Variants in DNAJC27 observed in about 807,000 individuals in gnomAD.
The protein encoded by DNAJC27 is dnaJ homolog subfamily C member 27.
A neutral mutation model predicts 31.4 loss-of-function variants in DNAJC27; 25 were observed. That is an observed-to-expected ratio of 0.80 (90% CI 0.58 to 1.11). The LOEUF (loss-of-function observed/expected upper bound fraction) is 1.11. Among genes scored for constraint, DNAJC27 ranks in the 50% most tolerant of loss-of-function variants. DNAJC27 has a pLI of 0.00. For missense variants in DNAJC27, 356 were observed against 347.3 expected (o/e 1.02, Z -0.20); for synonymous variants, 106 against 112.7 (o/e 0.94, Z 0.37).
At chr2:24,952,039 AG>A (rs1665789620) in intron 5 of DNAJC27, among the ~76,000 whole-genome samples, 1 of 152,158 alleles carries the variant, frequency 6.6e-6, no homozygotes, top group Admixed American at 6.5e-5. Flanking sequence ...GCTTGAGCCC[AG>A]GAAGTGAAGG....
chr2:24,947,603 T>C lies in DNAJC27; in HGVS notation c.*13A>G. The C allele has an allele frequency of 6.3e-7, 1 of 1,587,744 alleles. No homozygotes were observed. Among genetic ancestry groups the C allele is most frequent in the Non-Finnish European group, 8.6e-7 (1 of 1,160,556 alleles). On this transcript the variant is annotated 3_prime_UTR_variant, in exon 7 of 7. Coordinates refer to ENST00000264711, the MANE Select transcript of DNAJC27 (RefSeq NM_016544.3). Reference sequence around the variant, plus strand: ...TGCATTTGAGTCCCACATGTGGCTTTTTTCTGTACTTTCTACTTGATGTTT... The same window carrying C: ...TGCATTTGAGTCCCACATGTGGCTTCTTTCTGTACTTTCTACTTGATGTTT...
intron 4 of DNAJC27, 78 bp downstream of exon 4, chr2:24,957,732 C>G: frequency 7.4e-7 from 1 of 1,347,544 alleles, no homozygotes. Context: ...AGGAATTTTT[C>G]TTTTCTTTTT....
In DNAJC27 at chr2:24,967,224, A is replaced by T. The variant is rs1046312541; in HGVS notation, c.157T>A (p.Tyr53Asn). Residue 53 changes from tyrosine to asparagine, a missense_variant, in exon 2 of 7, where the codon TAT (tyrosine) becomes AAT (asparagine). Coordinates refer to ENST00000264711, the MANE Select transcript of DNAJC27 (RefSeq NM_016544.3). ...CAATATACTTACTTTGTGACTCCAT[A>T]GTCAATTCCAATTGTTGCCAGGTAT... ...SKYLATIGID[Y>N]GVTKVHVRDR... The T allele has an allele frequency of 6.2e-7, 1 of 1,613,000 alleles. No individual in the cohort carries two copies. The highest frequency in any genetic ancestry group is 1.3e-5 in the African/African-American group (1 of 74,858).
At chr2:24,970,360 T>C (rs1666296965) in intron 1 of DNAJC27, among the ~76,000 whole-genome samples, 1 of 152,180 alleles carries the variant, frequency 6.6e-6, no homozygotes. Context: ...TCTTGTCTAA[T>C]TGCACTGGCT....
intron 3 of DNAJC27, among the ~76,000 whole-genome samples, chr2:24,961,302 T>A (rs1433284733): frequency 1.3e-5 from 2 of 152,150 alleles, no homozygotes. Flanking sequence ...GAAAAAAGGA[T>A]TCCTTTCAAA....
At chr2:24,954,409 TTA>T (rs991982157) in intron 5 of DNAJC27, among the ~76,000 whole-genome samples, 3 of 152,128 alleles carry the variant, frequency 2.0e-5, no homozygotes, top group Admixed American at 2.0e-4. Flanking sequence ...GCCCTAAAAA[TTA>T]TAGACTCATC....
intron 5 of DNAJC27, among the ~76,000 whole-genome samples, chr2:24,952,197 G>A (rs1303508624): frequency 6.6e-6 from 1 of 152,096 alleles, no homozygotes; most frequent in East Asian, 1.9e-4. Context: ...AGTGTAAAAT[G>A]AAAACTGTGT....
chr2:24,952,700 G>C (rs1296499032), intron 5 of DNAJC27, among the ~76,000 whole-genome samples: 1 of 151,968 alleles, frequency 6.6e-6, no homozygotes, highest in Non-Finnish European at 1.5e-5. Flanking sequence ...AGCTGTACCA[G>C]TTTACATTCC....
intron 2 of DNAJC27, 107 bp downstream of exon 2, chr2:24,967,104 C>G (rs1343362523): frequency 1.3e-6 from 1 of 792,012 alleles, no homozygotes; most frequent in East Asian, 2.6e-5. Context: ...TCTTCAAAGT[C>G]TCCATTTCAA....
intron 1 of DNAJC27, among the ~76,000 whole-genome samples, chr2:24,970,610 G>A (rs1465816482): frequency 6.6e-6 from 1 of 151,754 alleles, no homozygotes; most frequent in Non-Finnish European, 1.5e-5. Context: ...GATTAAAGGC[G>A]TGCACCACCA....
intron 3 of DNAJC27, among the ~76,000 whole-genome samples, chr2:24,961,461 A>T (rs1666038522): frequency 6.6e-6 from 1 of 152,130 alleles, no homozygotes; most frequent in South Asian, 2.1e-4. Flanking sequence ...TTGAAGTCTT[A>T]CTGTTTAAAA....
chr2:24,948,985 A>T (rs954100776), intron 6 of DNAJC27, among the ~76,000 whole-genome samples: 3 of 152,184 alleles, frequency 2.0e-5, no homozygotes, highest in African/African-American at 7.2e-5. Context: ...GCTATGATGG[A>T]AAGTTTTATG....
chr2:24,954,865 G>T (rs1243525284), intron 5 of DNAJC27, among the ~76,000 whole-genome samples: 1 of 152,212 alleles, frequency 6.6e-6, no homozygotes. Context: ...GAACCCAGGA[G>T]GCGGAGCTTG....
intron 2 of DNAJC27, among the ~76,000 whole-genome samples, chr2:24,964,196 G>A (rs912231923): frequency 2.0e-5 from 3 of 151,888 alleles, no homozygotes; most frequent in Admixed American, 6.6e-5. Context: ...CGAGATGGGC[G>A]GATCATGAGG....
At chr2:24,959,212 C>G (rs1665982649) in intron 3 of DNAJC27, among the ~76,000 whole-genome samples, 1 of 152,198 alleles carries the variant, frequency 6.6e-6, no homozygotes, top group Non-Finnish European at 1.5e-5. Flanking sequence ...TCCCATACAT[C>G]ACATTCCCTA....
In DNAJC27 at chr2:24,947,732, C is replaced by T; in HGVS notation, c.706G>A (p.Ala236Thr). The T allele has an allele frequency of 6.2e-7, 1 of 1,612,872 alleles. No individual in the cohort carries two copies. The highest frequency in any genetic ancestry group is 2.2e-5 in the East Asian group (1 of 44,858). The stretch of plus-strand genomic sequence containing the variant: ...AGAAGCACAGCAAGTTTCCGATACG[C>T]TTTATTGACTTCATCCCTGGGAAAA... ...PGASRDEVNK[A>T]YRKLAVLLHP... Residue 236 changes from alanine (A) to threonine (T), a missense_variant, in exon 7 of 7, where the codon GCG becomes ACG. By Grantham distance (58) the Ala-to-Thr change is moderately conservative. Coordinates refer to ENST00000264711, the MANE Select transcript of DNAJC27 (RefSeq NM_016544.3).
In DNAJC27 at chr2:24,971,936, G is replaced by A. The variant is rs1161046502; in HGVS notation, c.-32C>T. On this transcript the variant is annotated 5_prime_UTR_variant, in exon 1 of 7. Coordinates refer to ENST00000264711, the MANE Select transcript of DNAJC27 (RefSeq NM_016544.3). The stretch of plus-strand genomic sequence containing the variant: ...GGCTCTCTCGGGGCCACCCGCCTCG[G>A]TCTCTTCTTGTGCACCGCTGGCCCG... The A allele has an allele frequency of 2.0e-6, 3 of 1,529,384 alleles. No individual in the cohort carries two copies. The allele number at this position is 1,529,384 out of a possible 1,614,324, so 94.7% of individuals were successfully genotyped here.
At position 24,957,074 on chromosome 2, in the gene DNAJC27, T is replaced by C. The variant is rs1665921626; in HGVS notation, c.497A>G (p.Gln166Arg). Reference protein sequence around the residue: ...KGFLYFETSAQTGEGINEMFQ... With the variant: ...KGFLYFETSARTGEGINEMFQ... ...CATCTCATTAATGCCTTCTCCAGTTTGTGCTGAAGTTTCAAAGTACAGGAA... is the reference window on the plus strand; with the variant it reads ...CATCTCATTAATGCCTTCTCCAGTTCGTGCTGAAGTTTCAAAGTACAGGAA... Residue 166 changes from glutamine (Q) to arginine (R), a missense_variant, in exon 5 of 7, where the codon CAA (glutamine) becomes CGA (arginine). Coordinates refer to ENST00000264711, the MANE Select transcript of DNAJC27 (RefSeq NM_016544.3). 6.2e-7 allele frequency: 1 copy of C among 1,609,892 alleles called. No individual in the cohort carries two copies. The highest frequency in any genetic ancestry group is 1.3e-5 in the African/African-American group (1 of 74,782).
chr2:24,954,893 G>A lies in DNAJC27; in HGVS notation c.528+2150C>T, dbSNP rs577267627. Among the ~76,000 whole-genome samples, 7 of 152,172 alleles carry A rather than the reference G, an allele frequency of 4.6e-5. No homozygotes were observed. In the South Asian group the frequency reaches 8.3e-4, roughly 18 times the overall value. On this transcript the variant is annotated intron_variant, in intron 5 of 6. Coordinates refer to ENST00000264711, the MANE Select transcript of DNAJC27 (RefSeq NM_016544.3). ...GGAGCTTGCCATGAGCCGAGATTGC[G>A]CCACTGCACTCCAGCCTGGGCAACA...
Sources: allele counts gnomAD v4.1 joint callset (sites outside exome capture counted in the v4.1 genomes callset), GRCh38; gene constraint gnomAD v4.1.1; transcripts MANE v1.5; gene names NCBI Gene and HGNC (gene_info 2026-07-23, HGNC 2026-07-21).